ARHGAP29: variants seen among roughly 807,000 people sequenced by gnomAD.
The protein encoded by ARHGAP29 is Rho GTPase activating protein 29, also known as rho GTPase-activating protein 29.
In ARHGAP29, 43 loss-of-function variants were observed where a neutral mutation model predicts 122.6. That is an observed-to-expected ratio of 0.35 (90% CI 0.27 to 0.45). The LOEUF (loss-of-function observed/expected upper bound fraction) is 0.45, where lower values mean the gene tolerates loss of function less well. Ranked by LOEUF, ARHGAP29 falls within the 20% of genes least tolerant of loss-of-function variation. The pLI is 1.00. For missense variants in ARHGAP29, 1,303 were observed against 1,477.2 expected, an observed-to-expected ratio of 0.88 and a Z score of 1.93; for synonymous variants, 506 against 497.1, an observed-to-expected ratio of 1.02 and a Z score of -0.24.
intron 19 of ARHGAP29, among the ~76,000 whole-genome samples, chr1:94,183,560 G>A (rs1412749624): frequency 6.6e-6 from 1 of 152,094 alleles, no homozygotes; most frequent in African/African-American, 2.4e-5. Flanking sequence ...CAGCTTATAG[G>A]ACAGTCCTTC....
At chr1:94,282,527 A>G in the ARHGAP29 span, among the ~76,000 whole-genome samples, 4 of 152,006 alleles carry the variant, frequency 2.6e-5, no homozygotes, top group African/African-American at 9.7e-5. Context: ...CCTCCCATCT[A>G]GGCCTCCGAA....
At chr1:94,242,248 T>C (rs1290554791), upstream of ARHGAP29, among the ~76,000 whole-genome samples, 1 of 152,090 alleles carries the variant, frequency 6.6e-6, no homozygotes, top group Non-Finnish European at 1.5e-5. Flanking sequence ...TAGAGAGACC[T>C]ACTGAACACC....
rs1375985293 is a variant in ARHGAP29, at chr1:94,204,991, T to G, written c.697+70A>C. The G allele has an allele frequency of 5.8e-6, 8 of 1,379,134 alleles. No homozygotes were observed. The East Asian group carries it at 1.8e-4, about 31-fold the overall frequency. 85.4% of individuals were successfully genotyped at this position (1,379,134 alleles called of 1,614,324 possible). On this transcript the variant is annotated intron_variant, in intron 7 of 22. Transcript: ENST00000260526. Reference sequence around the variant, plus strand: ...TAATTTGGAATTCTATTACTCATAATCTGTAAAAAATGAGTTAGAAACAAC... The same window carrying G: ...TAATTTGGAATTCTATTACTCATAAGCTGTAAAAAATGAGTTAGAAACAAC...
chr1:94,239,349 C>A (rs1270371579), upstream of ARHGAP29, among the ~76,000 whole-genome samples: 1 of 152,154 alleles, frequency 6.6e-6, no homozygotes, highest in Non-Finnish European at 1.5e-5. Flanking sequence ...CACTTATACA[C>A]CATTTCCCTT....
At chr1:94,242,616 C>CAAAAAAAAAAAAAAAAAA (rs11320139), upstream of ARHGAP29, among the ~76,000 whole-genome samples, 1 of 130,176 alleles carries the variant, frequency 7.7e-6, no homozygotes, top group Non-Finnish European at 1.6e-5. Flanking sequence ...TTCAAAAAAT[C>CAAAAAAAAAAAAAAAAAA]AAAAAAAAAA....
the ARHGAP29 span, among the ~76,000 whole-genome samples, chr1:94,283,194 T>C: frequency 1.3e-5 from 2 of 152,200 alleles, no homozygotes. Context: ...TCTCTGTTTT[T>C]GTAGCAAGTA....
intron 5 of ARHGAP29, among the ~76,000 whole-genome samples, chr1:94,206,559 T>C (rs969828991): frequency 2.0e-5 from 3 of 152,162 alleles, no homozygotes; most frequent in East Asian, 1.9e-4. Context: ...ATTAAGATGA[T>C]GTAGGCCTAG....
At chr1:94,197,085 T>TA (rs1650523263) in intron 12 of ARHGAP29, among the ~76,000 whole-genome samples, 1 of 152,012 alleles carries the variant, frequency 6.6e-6, no homozygotes, top group African/African-American at 2.4e-5. Context: ...ATTTCTTTTT[T>TA]AAAAAGATAA....
At chr1:94,252,152 G>A (rs1488940791) in intron 1 of ARHGAP29, among the ~76,000 whole-genome samples, 1 of 152,178 alleles carries the variant, frequency 6.6e-6, no homozygotes, top group African/African-American at 2.4e-5. Context: ...GTTTGAGAAA[G>A]ATTTTACTTT....
rs1648567776 is a variant in ARHGAP29, at chr1:94,169,298, C to T, written c.*4571G>A. ...TCACTGGGGTCAAAGATTCAGCTGC[C>T]ATGGTCCAGGCTCCAGGCTGGGGAG... is the stretch of plus-strand genomic sequence containing the variant. On this transcript the variant is annotated 3_prime_UTR_variant, in exon 23 of 23. Coordinates refer to ENST00000260526, the MANE Select transcript of ARHGAP29 (RefSeq NM_004815.4). 6.6e-6 allele frequency among the ~76,000 whole-genome samples: 1 copy of T among 152,156 alleles called. No individual in the cohort carries two copies. Among genetic ancestry groups the T allele is most frequent in the African/African-American group, 2.4e-5 (1 of 41,448 alleles).
intron 12 of ARHGAP29, among the ~76,000 whole-genome samples, chr1:94,197,741 A>C: frequency 6.6e-6 from 1 of 152,238 alleles, no homozygotes. Flanking sequence ...TTACAGGCTA[A>C]AAACAAAACC....
chr1:94,246,843 G>A (rs1368079856), intron 1 of ARHGAP29, among the ~76,000 whole-genome samples: 1 of 152,004 alleles, frequency 6.6e-6, no homozygotes, highest in Non-Finnish European at 1.5e-5. Context: ...CTATTTTGCA[G>A]AGCACACGAC....
intron 19 of ARHGAP29, among the ~76,000 whole-genome samples, chr1:94,181,738 A>C (rs1233645449): frequency 1.3e-5 from 2 of 152,156 alleles, no homozygotes; most frequent in African/African-American, 4.8e-5. Context: ...AATCAAAATG[A>C]GTAGAAAACA....
At chr1:94,183,453 T>C (rs1363039623) in intron 19 of ARHGAP29, among the ~76,000 whole-genome samples, 2 of 151,978 alleles carry the variant, frequency 1.3e-5, no homozygotes, top group Non-Finnish European at 2.9e-5. Flanking sequence ...ACTGAGTAGG[T>C]CTTTGGACCT....
chr1:94,179,841 T>C lies in ARHGAP29; in HGVS notation c.2364A>G (p.Lys788=). The change falls in exon 20 of 23, where the codon AAA becomes AAG. Residue 788 remains lysine (K), a synonymous_variant. Coordinates refer to ENST00000260526, the MANE Select transcript of ARHGAP29 (RefSeq NM_004815.4). ...TTATTTCTATACACATATTTGGCCA[T>C]TTTTTGTCTTCAAGACTATTCTTTT... ...ETKKNSLEDK[K]WPNMCIEINR... The C allele has an allele frequency of 2.5e-6, 4 of 1,613,304 alleles. No individual in the cohort carries two copies. The highest frequency in any genetic ancestry group is 3.4e-6 in the Non-Finnish European group (4 of 1,179,564).
At chr1:94,229,627 C>A (rs893004340) in intron 2 of ARHGAP29, among the ~76,000 whole-genome samples, 1 of 151,644 alleles carries the variant, frequency 6.6e-6, no homozygotes, top group Non-Finnish European at 1.5e-5. Context: ...CCATAAATTG[C>A]AAACTTTTTG....
chr1:94,287,066 G>A, the ARHGAP29 span, among the ~76,000 whole-genome samples: 2 of 152,160 alleles, frequency 1.3e-5, no homozygotes, highest in Middle Eastern at 6.3e-3. Flanking sequence ...CAGGGCTCTG[G>A]AACTTCTGAT....
At chr1:94,203,863 T>C (rs1018952803) in intron 8 of ARHGAP29, 67 bp downstream of exon 8, 14 of 1,371,288 alleles carry the variant, frequency 1.0e-5, no homozygotes, top group Admixed American at 3.6e-5. Context: ...ATTCTGATTT[T>C]GCAAATTATT....
At chr1:94,177,438 T>C (rs1649163197) in intron 22 of ARHGAP29, 174 bp downstream of exon 22, 1 of 457,162 alleles carries the variant, frequency 2.2e-6, no homozygotes, top group South Asian at 5.0e-5. Context: ...ATGACATTCA[T>C]TTAAATGCAA....
Sources: gnomAD v4.1 joint callset for allele counts (sites outside exome capture counted in the v4.1 genomes callset) on GRCh38, gnomAD v4.1.1 for gene constraint, MANE v1.5 for transcripts, NCBI Gene and HGNC (gene_info 2026-07-23, HGNC 2026-07-21) for gene names.